Variants in ARFIP1 observed in about 807,000 individuals in gnomAD.
ARFIP1 encodes ARF interacting protein 1, also known as arfaptin-1.
In ARFIP1, 24 loss-of-function variants were observed where a neutral mutation model predicts 42.5. The ratio of observed to expected loss-of-function variants is 0.57; its 90% CI spans 0.41 to 0.80. The LOEUF (loss-of-function observed/expected upper bound fraction) is 0.80, where lower values mean the gene tolerates loss of function less well. Ranked by LOEUF, ARFIP1 falls within the 30% of genes least tolerant of loss-of-function variation. The pLI is 0.00. For synonymous variants in ARFIP1, 141 were observed against 153.7 expected (o/e 0.92, Z 0.61); for missense variants, 354 against 434.0 (o/e 0.82, Z 1.64).
At chr4:152,789,864 T>C (rs761181636) in intron 1 of ARFIP1, among the ~76,000 whole-genome samples, 1 of 152,210 alleles carries the variant, frequency 6.6e-6, no homozygotes, top group Non-Finnish European at 1.5e-5. Context: ...CACTTTTAAC[T>C]TTCTGGTATT....
At position 152,903,425 on chromosome 4, in the gene ARFIP1, GA is replaced by G. The variant is rs748247966; in HGVS notation, c.967-6630del. Among the ~76,000 whole-genome samples the G allele has an allele frequency of 2.7e-4, 39 of 146,922 alleles. No individual in the cohort carries two copies. In the East Asian group the frequency reaches 7.0e-3, roughly 26 times the overall value. ...CAAATTGAGAACAATTCGCTTTTTAGAAAAAAAAATAGCTTCTTATATTTGA... is the reference window on the plus strand; with the variant it reads ...CAAATTGAGAACAATTCGCTTTTTAGAAAAAAAATAGCTTCTTATATTTGA... On this transcript the variant is annotated intron_variant, in intron 8 of 8. Transcript: ENST00000353617.
At chr4:152,909,879 G>GGT (rs1738696890) in intron 8 of ARFIP1, among the ~76,000 whole-genome samples, 185 bp from the exon 9 acceptor site, 1 of 152,158 alleles carries the variant, frequency 6.6e-6, no homozygotes. Context: ...TAATTAAAAA[G>GGT]TCATCAAAGG....
At chr4:152,873,978 C>A (rs1344919655) in intron 5 of ARFIP1, among the ~76,000 whole-genome samples, 2 of 152,294 alleles carry the variant, frequency 1.3e-5, no homozygotes, top group African/African-American at 4.8e-5. Flanking sequence ...TAACTTTGTT[C>A]ATAAGACTAT....
In ARFIP1 at chr4:152,830,702, A is replaced by T. The variant is rs567891635; in HGVS notation, c.93+976A>T. On this transcript the variant is annotated intron_variant, in intron 2 of 8. Coordinates refer to ENST00000353617, the MANE Select transcript of ARFIP1 (RefSeq NM_001025595.3). ...CTTTGTTGGGTGTATTGGCCTATAC[A>T]TTGTAGGATGGTTGGCACATTCCTG... is the stretch of plus-strand genomic sequence containing the variant. Among the ~76,000 whole-genome samples, 4 of 152,252 alleles carry T rather than the reference A, an allele frequency of 2.6e-5. No homozygotes were observed. In the South Asian group the frequency reaches 6.2e-4, roughly 24 times the overall value.
At chr4:152,795,966 G>A in intron 1 of ARFIP1, 1 of 352,704 alleles carries the variant, frequency 2.8e-6, no homozygotes, top group Non-Finnish European at 5.4e-6. Context: ...GATGATTGCA[G>A]ACAGGTATAG....
chr4:152,869,448 C>CT lies in ARFIP1; in HGVS notation c.203-1302dup, dbSNP rs200886609. On this transcript the variant is annotated intron_variant, in intron 3 of 8. Transcript: ENST00000353617. The stretch of plus-strand genomic sequence containing the variant: ...TTGGGTAGTCAGTGTTTCTTTCTTT[C>CT]TTTCTTTTTTTTTTTAATTGAGACA... Among the ~76,000 whole-genome samples the CT allele has an allele frequency of 2.9e-3, 431 of 147,038 alleles. 1 individual carries two copies. Among genetic ancestry groups the CT allele is most frequent in the Middle Eastern group, 0.014 (4 of 276 alleles).
chr4:152,783,105 G>A lies in ARFIP1; in HGVS notation c.-10+2879G>A, dbSNP rs560406351. Among the ~76,000 whole-genome samples the A allele has an allele frequency of 4.9e-4, 74 of 152,222 alleles. 2 individuals are homozygous for A. The South Asian group carries it at 0.014, about 29-fold the overall frequency. Reference sequence around the variant, plus strand: ...TGGCGGGTGGATCACTTGATGTCAGGAGTTCAAAACCTGGCCAACATGGTG... The same window carrying A: ...TGGCGGGTGGATCACTTGATGTCAGAAGTTCAAAACCTGGCCAACATGGTG... On this transcript the variant is annotated intron_variant, in intron 1 of 8. Transcript: ENST00000353617.
At chr4:152,791,710 G>C (rs1731152893) in intron 1 of ARFIP1, among the ~76,000 whole-genome samples, 2 of 151,902 alleles carry the variant, frequency 1.3e-5, no homozygotes, top group African/African-American at 4.8e-5. Context: ...GGCTATTTTG[G>C]GACCTACAAA....
intron 2 of ARFIP1, among the ~76,000 whole-genome samples, chr4:152,849,640 AAAG>A (rs1157766146): frequency 6.6e-6 from 1 of 152,190 alleles, no homozygotes; most frequent in African/African-American, 2.4e-5. Flanking sequence ...GAGAGGGAGA[AAAG>A]AAGATTGAAA....
chr4:152,904,176 G>GTATATATATA (rs1435452275), intron 8 of ARFIP1, among the ~76,000 whole-genome samples: 37 of 99,000 alleles, frequency 3.7e-4, no homozygotes, highest in African/African-American at 1.3e-3. Flanking sequence ...ATATGTGTGT[G>GTATATATATA]TGTGTATATA....
At chr4:152,844,168 TC>T (rs1732351154) in intron 2 of ARFIP1, among the ~76,000 whole-genome samples, 1 of 152,178 alleles carries the variant, frequency 6.6e-6, no homozygotes, top group African/African-American at 2.4e-5. Context: ...CAGAAACTTC[TC>T]CCACGAACAG....
chr4:152,793,421 T>C (rs1731250442), intron 1 of ARFIP1, among the ~76,000 whole-genome samples: 1 of 151,450 alleles, frequency 6.6e-6, no homozygotes, highest in Non-Finnish European at 1.5e-5. Flanking sequence ...CTTGAGTTAT[T>C]TGGTCTTTTC....
At chr4:152,822,163 GAC>G (rs1192511076) in intron 1 of ARFIP1, among the ~76,000 whole-genome samples, 1 of 152,038 alleles carries the variant, frequency 6.6e-6, no homozygotes, top group Non-Finnish European at 1.5e-5. Flanking sequence ...GACTTTAGAA[GAC>G]ACAGATAACA....
chr4:152,798,697 G>A (rs940805594), intron 1 of ARFIP1, among the ~76,000 whole-genome samples: 2 of 152,084 alleles, frequency 1.3e-5, no homozygotes, highest in Non-Finnish European at 2.9e-5. Context: ...CATTATTGTA[G>A]CTAAAATGGT....
At chr4:152,867,322 C>G (rs568859300) in intron 3 of ARFIP1, among the ~76,000 whole-genome samples, 5 of 151,732 alleles carry the variant, frequency 3.3e-5, no homozygotes, top group Admixed American at 6.6e-5. Flanking sequence ...AGCGAAACCC[C>G]GTCTCCACCA....
intron 6 of ARFIP1, among the ~76,000 whole-genome samples, chr4:152,881,582 T>A (rs939415871): frequency 3.3e-5 from 5 of 152,188 alleles, no homozygotes; most frequent in African/African-American, 1.2e-4. Flanking sequence ...GTAACTTAGC[T>A]TGTGGAAATT....
intron 8 of ARFIP1, among the ~76,000 whole-genome samples, chr4:152,891,701 C>T (rs958832604): frequency 2.0e-5 from 3 of 151,850 alleles, no homozygotes; most frequent in East Asian, 1.9e-4. Context: ...TTTGTTTGTT[C>T]GTTTGTTTGT....
intron 1 of ARFIP1, among the ~76,000 whole-genome samples, chr4:152,827,822 T>C (rs2149844803): frequency 6.6e-6 from 1 of 152,160 alleles, no homozygotes; most frequent in African/African-American, 2.4e-5. Flanking sequence ...ACTACAGGAA[T>C]GCACCAGCAC....
chr4:152,824,499 A>G (rs889111259), intron 1 of ARFIP1, among the ~76,000 whole-genome samples: 1 of 152,214 alleles, frequency 6.6e-6, no homozygotes, highest in African/African-American at 2.4e-5. Context: ...GCATCCCTTT[A>G]TGATAAAAAC....
Sources: allele counts gnomAD v4.1 joint callset (sites outside exome capture counted in the v4.1 genomes callset), GRCh38; gene constraint gnomAD v4.1.1; transcripts MANE v1.5; gene names NCBI Gene and HGNC (gene_info 2026-07-23, HGNC 2026-07-21).